PSD3: variants seen among roughly 807,000 people sequenced by gnomAD.
PSD3 encodes the protein PH and SEC7 domain-containing protein 3.
Under a neutral mutation model 105.5 loss-of-function variants are expected in PSD3, and 49 were observed. The observed-to-expected ratio is 0.46, with a 90% confidence interval of 0.37 to 0.59. PSD3 has a LOEUF of 0.59. PSD3 is among the 20% of genes least tolerant of loss of function. The pLI is 0.00. For missense variants in PSD3, 1,561 were observed against 1,263.8 expected (o/e 1.24, Z -3.57); for synonymous variants, 557 against 457.8 (o/e 1.22, Z -2.77).
chr8:18,576,081 GTC>G (rs144874517), intron 12 of PSD3, among the ~76,000 whole-genome samples: 392 of 152,154 alleles, frequency 2.6e-3, no homozygotes, highest in African/African-American at 9.2e-3. Flanking sequence ...GAAAGATATT[GTC>G]TGTTTTCTTA....
chr8:18,912,957 T>C (rs1044883262), intron 2 of PSD3, among the ~76,000 whole-genome samples: 1 of 152,012 alleles, frequency 6.6e-6, no homozygotes, highest in Non-Finnish European at 1.5e-5. Context: ...CCAGGGGATG[T>C]AGAGTACACT....
intron 12 of PSD3, among the ~76,000 whole-genome samples, chr8:18,591,212 G>C (rs1440449851): frequency 2.0e-5 from 3 of 152,122 alleles, no homozygotes; most frequent in African/African-American, 7.2e-5. Context: ...CCTGAAGCTA[G>C]CATGCCTCAG....
intron 4 of PSD3, among the ~76,000 whole-genome samples, chr8:18,838,908 G>T (rs559681398): frequency 2.6e-5 from 4 of 151,394 alleles, no homozygotes; most frequent in Middle Eastern, 3.4e-3. Flanking sequence ...CATTTCAAAA[G>T]GTTTTGCCAC....
chr8:18,973,383 T>C (rs1029741566), intron 1 of PSD3, among the ~76,000 whole-genome samples: 6 of 152,214 alleles, frequency 3.9e-5, no homozygotes, highest in Non-Finnish European at 7.3e-5. Context: ...TCCAAGAGCA[T>C]GGTGCCATCT....
intron 2 of PSD3, among the ~76,000 whole-genome samples, chr8:18,926,795 A>G (rs905344880): frequency 2.6e-5 from 4 of 152,088 alleles, no homozygotes; most frequent in African/African-American, 9.7e-5. Context: ...CTCTAATGCA[A>G]TTCATTTCCA....
At chr8:18,586,777 G>A (rs993410129) in intron 12 of PSD3, among the ~76,000 whole-genome samples, 2 of 152,174 alleles carry the variant, frequency 1.3e-5, no homozygotes, top group Non-Finnish European at 2.9e-5. Context: ...GACGTTGGCA[G>A]CCGCAAGGGG....
At chr8:18,958,929 T>TC (rs1554552967) in intron 1 of PSD3, among the ~76,000 whole-genome samples, 2,343 of 150,288 alleles carry the variant, frequency 0.016, 70 homozygotes, top group African/African-American at 0.05. Flanking sequence ...GTTTTTTTTT[T>TC]TTTTCTTTTG....
chr8:18,956,246 G>A (rs912972451), intron 1 of PSD3, among the ~76,000 whole-genome samples: 2 of 152,208 alleles, frequency 1.3e-5, no homozygotes, highest in Non-Finnish European at 2.9e-5. Context: ...AAGGAAGGCT[G>A]AGGAGAATGA....
At chr8:19,000,415 GAA>G (rs1273310659) in intron 1 of PSD3, among the ~76,000 whole-genome samples, 11 of 146,364 alleles carry the variant, frequency 7.5e-5, no homozygotes, top group South Asian at 6.7e-4. Flanking sequence ...AAAAGAGAGA[GAA>G]AAAAAACCTG....
chr8:18,908,924 G>C (rs1366065537), intron 2 of PSD3, among the ~76,000 whole-genome samples: 1 of 152,110 alleles, frequency 6.6e-6, no homozygotes. Context: ...ACAAATTCTA[G>C]GAAACCTGCA....
chr8:18,893,984 A>ATATC (rs1554534161), intron 2 of PSD3, among the ~76,000 whole-genome samples: 2 of 152,212 alleles, frequency 1.3e-5, no homozygotes, highest in African/African-American at 2.4e-5. Flanking sequence ...CTTGGAAGCA[A>ATATC]TATCTATCAT....
Position 18,867,862 on chromosome 8 carries a change from T to C in PSD3, c.1446A>G (p.Ile482Met). 2.5e-6 allele frequency: 4 copies of C among 1,614,214 alleles called. No individual in the cohort carries two copies. Among genetic ancestry groups the C allele is most frequent in the Non-Finnish European group, 3.4e-6 (4 of 1,180,040 alleles). Residue 482 changes from isoleucine (I) to methionine (M), a missense_variant, in exon 4 of 16, where the codon ATA becomes ATG. By Grantham distance (10) the Ile-to-Met change is conservative. Coordinates refer to ENST00000327040, the MANE Select transcript of PSD3 (RefSeq NM_015310.4). ...GACCACCTTCTTTAATGCGCTGTTG[T>C]ATCATTGGAGTGAGGGGCATTTCAA... is the stretch of plus-strand genomic sequence containing the variant. Reference protein sequence around the residue: ...FSFEMPLTPMIQQRIKEGGQF... With the variant: ...FSFEMPLTPMMQQRIKEGGQF...
intron 4 of PSD3, among the ~76,000 whole-genome samples, chr8:18,817,590 C>T (rs1586113628): frequency 6.6e-6 from 1 of 152,210 alleles, no homozygotes; most frequent in Non-Finnish European, 1.5e-5. Context: ...CAACTGTGTA[C>T]TCGTCTCAAT....
intron 8 of PSD3, chr8:18,774,677 T>G: frequency 2.8e-6 from 1 of 362,914 alleles, no homozygotes; most frequent in Non-Finnish European, 5.4e-6. Flanking sequence ...GCCACAGATC[T>G]GGGGGCTAGT....
intron 9 of PSD3, among the ~76,000 whole-genome samples, chr8:18,663,356 G>C (rs1809496605): frequency 6.6e-6 from 1 of 151,950 alleles, no homozygotes; most frequent in African/African-American, 2.4e-5. Context: ...AACCAGGGAG[G>C]TGGAGGTTTC....
chr8:18,610,739 A>T (rs557942334), intron 11 of PSD3, among the ~76,000 whole-genome samples: 2 of 152,220 alleles, frequency 1.3e-5, no homozygotes, highest in Non-Finnish European at 2.9e-5. Context: ...TTCTATTCAA[A>T]GTGTTCCCTA....
At chr8:18,755,432 C>A (rs7357382) in intron 9 of PSD3, among the ~76,000 whole-genome samples, 6,170 of 123,592 alleles carry the variant, frequency 0.05, 155 homozygotes, top group African/African-American at 0.098. Context: ...CCTGTCTCAA[C>A]ATAACATAAC....
intron 2 of PSD3, among the ~76,000 whole-genome samples, chr8:18,898,563 C>T (rs1293135849): frequency 6.6e-6 from 1 of 151,686 alleles, no homozygotes; most frequent in Admixed American, 6.6e-5. Flanking sequence ...TAACTTTTGA[C>T]TCTCCAAAAA....
chr8:18,593,000 G>T (rs1218950137), intron 12 of PSD3, among the ~76,000 whole-genome samples: 1 of 152,172 alleles, frequency 6.6e-6, no homozygotes, highest in Admixed American at 6.5e-5. Context: ...TTACATGTTA[G>T]ACCTAAAACC....
Sources: gnomAD v4.1 joint callset for allele counts (sites outside exome capture counted in the v4.1 genomes callset) on GRCh38, gnomAD v4.1.1 for gene constraint, MANE v1.5 for transcripts, NCBI Gene and HGNC (gene_info 2026-07-23, HGNC 2026-07-21) for gene names.